EPM2A: variants seen among roughly 807,000 people sequenced by gnomAD.
EPM2A encodes the protein laforin.
In EPM2A, 21 loss-of-function variants were observed where a neutral mutation model predicts 26.5. The ratio of observed to expected loss-of-function variants is 0.79; its 90% CI spans 0.56 to 1.14. EPM2A has a LOEUF of 1.14. EPM2A is among the 50% of genes most tolerant of loss of function. EPM2A has a pLI of 0.00. For missense variants in EPM2A, 458 were observed against 440.8 expected (o/e 1.04, Z -0.35); for synonymous variants, 217 against 177.6 (o/e 1.22, Z -1.76).
chr6:145,486,599 T>C (rs189978502), intron 4 of EPM2A, among the ~76,000 whole-genome samples: 31 of 152,234 alleles, frequency 2.0e-4, no homozygotes, highest in Admixed American at 1.9e-3. Context: ...TTCTCCCTTT[T>C]TTCTCCCCCA....
chr6:145,589,310 TATTTTTAATAAAAATAAAAATGTTTCC>T (rs940696913), intron 2 of EPM2A, among the ~76,000 whole-genome samples: 1 of 152,186 alleles, frequency 6.6e-6, no homozygotes, highest in Non-Finnish European at 1.5e-5. Flanking sequence ...TAAAGTATTT[TATTTTTAATAAAAATAAAAATGTTTCC>T]ATTTTTATTG....
chr6:145,554,418 TA>T (rs898927419), intron 2 of EPM2A, among the ~76,000 whole-genome samples: 2 of 143,004 alleles, frequency 1.4e-5, no homozygotes, highest in African/African-American at 5.2e-5. Flanking sequence ...GAGAGATAGA[TA>T]GATGATAGAT....
intron 4 of EPM2A, among the ~76,000 whole-genome samples, chr6:145,486,608 C>T (rs1249517858): frequency 6.6e-6 from 1 of 151,930 alleles, no homozygotes; most frequent in African/African-American, 2.4e-5. Flanking sequence ...TTTTCTCCCC[C>T]AAACCCGCTA....
chr6:145,410,540 T>C (rs1778630147), intron 4 of EPM2A, among the ~76,000 whole-genome samples: 2 of 152,220 alleles, frequency 1.3e-5, no homozygotes, highest in African/African-American at 4.8e-5. Context: ...TAAGTAAAGT[T>C]ACTGCTGGAA....
chr6:145,412,408 A>T (rs1019166614), intron 4 of EPM2A, among the ~76,000 whole-genome samples: 7 of 152,176 alleles, frequency 4.6e-5, no homozygotes, highest in African/African-American at 1.2e-4. Context: ...TGGGTCTGAA[A>T]TGTCAATAGG....
intron 1 of EPM2A, among the ~76,000 whole-genome samples, chr6:145,714,304 G>A (rs1775496897): frequency 6.6e-6 from 1 of 152,186 alleles, no homozygotes; most frequent in African/African-American, 2.4e-5. Context: ...ACATCCTCCT[G>A]TATGCAGTAA....
chr6:145,388,101 G>T (rs2114654757), intron 4 of EPM2A, among the ~76,000 whole-genome samples: 1 of 152,206 alleles, frequency 6.6e-6, no homozygotes, highest in East Asian at 1.9e-4. Flanking sequence ...TAATATAGAG[G>T]GGAATAGCCT....
chr6:145,674,909 C>A (rs1779913813), intron 2 of EPM2A, among the ~76,000 whole-genome samples: 3 of 152,138 alleles, frequency 2.0e-5, no homozygotes, highest in African/African-American at 4.8e-5. Context: ...GGCAGGCCAA[C>A]ATTCAAATTC....
chr6:145,515,379 C>T (rs1264449597), intron 2 of EPM2A, among the ~76,000 whole-genome samples: 1 of 152,186 alleles, frequency 6.6e-6, no homozygotes, highest in Non-Finnish European at 1.5e-5. Context: ...TGGGGCCTCT[C>T]TTAGCCTGTT....
At chr6:145,450,600 A>T (rs1779184663) in intron 4 of EPM2A, among the ~76,000 whole-genome samples, 4 of 152,186 alleles carry the variant, frequency 2.6e-5, no homozygotes, top group Admixed American at 2.6e-4. Flanking sequence ...ATCAGTAAGC[A>T]GTTAAATGTT....
chr6:145,533,220 C>A (rs1391410865), intron 2 of EPM2A, among the ~76,000 whole-genome samples: 4 of 152,152 alleles, frequency 2.6e-5, no homozygotes, highest in African/African-American at 9.7e-5. Context: ...TATTTCTGAT[C>A]CATCATCAAA....
chr6:145,461,157 A>G (rs1192116027), intron 4 of EPM2A, among the ~76,000 whole-genome samples: 1 of 152,206 alleles, frequency 6.6e-6, no homozygotes, highest in African/African-American at 2.4e-5. Context: ...TACTTAGAAG[A>G]CTAAACAATA....
intron 4 of EPM2A, among the ~76,000 whole-genome samples, chr6:145,479,277 TATATATATGATTTAACTATATATATATAC>T (rs1443970839): frequency 6.8e-6 from 1 of 147,550 alleles, no homozygotes; most frequent in Non-Finnish European, 1.5e-5. Context: ...TAACTATATA[TATATATATGATTTAACTATATATATATAC>T]ATATATATGT....
intron 4 of EPM2A, among the ~76,000 whole-genome samples, chr6:145,394,305 T>C (rs894581144): frequency 1.3e-5 from 2 of 152,138 alleles, no homozygotes; most frequent in Admixed American, 1.3e-4. Context: ...ACCTTACTCA[T>C]GTCTTTCCCA....
chr6:145,720,714 T>C (rs1775907741), intron 1 of EPM2A, among the ~76,000 whole-genome samples: 1 of 152,216 alleles, frequency 6.6e-6, no homozygotes, highest in South Asian at 2.1e-4. Context: ...TGAATGTAAA[T>C]GTTATGCTAA....
intron 2 of EPM2A, among the ~76,000 whole-genome samples, chr6:145,677,573 C>T (rs1448115343): frequency 6.6e-6 from 1 of 152,218 alleles, no homozygotes; most frequent in Non-Finnish European, 1.5e-5. Flanking sequence ...TGATACACAA[C>T]TTCAGCAAAG....
chr6:145,517,172 A>C (rs1478369310), intron 2 of EPM2A, among the ~76,000 whole-genome samples: 1 of 152,154 alleles, frequency 6.6e-6, no homozygotes, highest in Non-Finnish European at 1.5e-5. Context: ...CTAAAAGTAG[A>C]ATGGTGGTTG....
intron 2 of EPM2A, chr6:145,670,962 G>A: frequency 1.0e-6 from 1 of 984,196 alleles, no homozygotes; most frequent in Non-Finnish European, 1.2e-6. Flanking sequence ...CTTTCCTACT[G>A]ATATGAACAA....
At chr6:145,698,756 GATT>G (rs1341344666) in intron 1 of EPM2A, among the ~76,000 whole-genome samples, 1 of 152,020 alleles carries the variant, frequency 6.6e-6, no homozygotes, top group South Asian at 2.1e-4. Context: ...CTCCCAATGT[GATT>G]ATATTTAAAC....
Sources: allele counts gnomAD v4.1 joint callset (sites outside exome capture counted in the v4.1 genomes callset), GRCh38; gene constraint gnomAD v4.1.1; transcripts MANE v1.5; gene names NCBI Gene and HGNC (gene_info 2026-07-23, HGNC 2026-07-21).